The following TECPR2 variants were observed in gnomAD, a reference collection of about 807,000 sequenced individuals.
TECPR2 encodes the protein tectonin beta-propeller repeat-containing protein 2.
Under a neutral mutation model 138.1 loss-of-function variants are expected in TECPR2, and 65 were observed. The observed-to-expected ratio is 0.47, with a 90% confidence interval of 0.39 to 0.58. The LOEUF is 0.58. Among genes scored for constraint, TECPR2 ranks in the 20% least tolerant of loss-of-function variants. TECPR2 has a pLI of 0.00. For missense variants in TECPR2, 1,553 were observed against 1,824.5 expected, an observed-to-expected ratio of 0.85 and a Z score of 2.71; for synonymous variants, 746 against 749.8, an observed-to-expected ratio of 0.99 and a Z score of 0.08.
chr14:102,422,969 C>T (rs369460529), intron 5 of TECPR2, among the ~76,000 whole-genome samples: 9 of 152,276 alleles, frequency 5.9e-5, no homozygotes, highest in African/African-American at 1.2e-4. Flanking sequence ...TGTCTTAGCG[C>T]CACACATTAC....
At chr14:102,410,749 T>C (rs1888824706) in intron 4 of TECPR2, among the ~76,000 whole-genome samples, 1 of 152,236 alleles carries the variant, frequency 6.6e-6, no homozygotes, top group Non-Finnish European at 1.5e-5. Context: ...TCTAGTCATA[T>C]TCCTATTCAC....
At chr14:102,404,798 T>C (rs188233931) in intron 2 of TECPR2, among the ~76,000 whole-genome samples, 1 of 151,900 alleles carries the variant, frequency 6.6e-6, no homozygotes, top group East Asian at 2.0e-4. Context: ...GGTCTGGAAC[T>C]CTTGACCTCA....
chr14:102,369,510 G>A (rs566929183), intron 1 of TECPR2, among the ~76,000 whole-genome samples: 7 of 152,120 alleles, frequency 4.6e-5, no homozygotes, highest in South Asian at 2.1e-4. Context: ...AGGTTCAGTC[G>A]ATCCTCCGGG....
chr14:102,402,885 G>A (rs1430847879), intron 2 of TECPR2, among the ~76,000 whole-genome samples: 1 of 152,136 alleles, frequency 6.6e-6, no homozygotes, highest in Non-Finnish European at 1.5e-5. Flanking sequence ...TAAGAGGATA[G>A]AATCAATAAT....
chr14:102,366,574 T>C (rs1887352723), intron 1 of TECPR2, among the ~76,000 whole-genome samples: 1 of 152,178 alleles, frequency 6.6e-6, no homozygotes, highest in Admixed American at 6.5e-5. Context: ...CTCGAACTCC[T>C]GGCCTCAAGC....
chr14:102,409,161 T>C (rs1412334746), intron 4 of TECPR2, among the ~76,000 whole-genome samples: 1 of 152,230 alleles, frequency 6.6e-6, no homozygotes, highest in Non-Finnish European at 1.5e-5. Context: ...CCGTGCCTTT[T>C]CCACTGCACG....
chr14:102,440,668 C>G, intron 11 of TECPR2, 59 bp downstream of exon 11: 1 of 1,563,760 alleles, frequency 6.4e-7, no homozygotes, highest in Non-Finnish European at 8.7e-7. Context: ...TCTGCTGCAC[C>G]CTGCTTTGCT....
chr14:102,446,501 AG>A (rs1243234802), intron 13 of TECPR2, among the ~76,000 whole-genome samples: 1 of 152,178 alleles, frequency 6.6e-6, no homozygotes, highest in Non-Finnish European at 1.5e-5. Context: ...CGGAAGGCTG[AG>A]GTGGGAGAAT....
At chr14:102,471,205 G>A (rs190495257) in intron 17 of TECPR2, among the ~76,000 whole-genome samples, 1 of 152,116 alleles carries the variant, frequency 6.6e-6, no homozygotes, top group African/African-American at 2.4e-5. Flanking sequence ...TCCCACCTCG[G>A]CCTCCCAAAG....
intron 4 of TECPR2, among the ~76,000 whole-genome samples, chr14:102,413,796 A>G (rs759072103): frequency 6.6e-6 from 1 of 151,772 alleles, no homozygotes; most frequent in Non-Finnish European, 1.5e-5. Flanking sequence ...TATATAAAAT[A>G]TGGTTTTTTT....
In TECPR2 at chr14:102,445,941, G is replaced by C. The variant is rs1298507869; in HGVS notation, c.3069G>C (p.Trp1023Cys). 1 of 1,613,728 alleles carries C rather than the reference G, an allele frequency of 6.2e-7. No individual in the cohort carries two copies. Among genetic ancestry groups the C allele is most frequent in the Non-Finnish European group, 8.5e-7 (1 of 1,179,856 alleles). The change falls in exon 13 of 20, where the codon TGG becomes TGC. Residue 1023 changes from tryptophan to cysteine, a missense_variant. By Grantham distance (215) the Trp-to-Cys change is radical. Transcript: ENST00000359520. ...SKKPQGDDDH[W>C]WQVSITDYVV... ...AGCCCCAAGGAGATGACGACCATTG[G>C]TGGCAAGTAGGTGTTCAGCTCTGCG...
At chr14:102,484,607 T>G (rs1890979948) in intron 17 of TECPR2, among the ~76,000 whole-genome samples, 1 of 152,122 alleles carries the variant, frequency 6.6e-6, no homozygotes, top group Non-Finnish European at 1.5e-5. Flanking sequence ...ACTTTCCAGC[T>G]TCCAGAATTG....
chr14:102,370,235 C>T lies in TECPR2; in HGVS notation c.-72-6415C>T, dbSNP rs200579298. Among the ~76,000 whole-genome samples the T allele has an allele frequency of 2.6e-5, 4 of 152,018 alleles. No individual in the cohort carries two copies. In the East Asian group the frequency reaches 7.8e-4, roughly 30 times the overall value. On this transcript the variant is annotated intron_variant, in intron 1 of 19. Transcript: ENST00000359520. ...TACGGGCACCTCCCACCATGCCCAGCTAATTTTTGTGTTTTAATAGAGATG... is the reference window on the plus strand; with the variant it reads ...TACGGGCACCTCCCACCATGCCCAGTTAATTTTTGTGTTTTAATAGAGATG...
intron 17 of TECPR2, among the ~76,000 whole-genome samples, chr14:102,473,111 CA>C (rs1300441226): frequency 3.9e-5 from 6 of 152,256 alleles, no homozygotes; most frequent in Admixed American, 3.3e-4. Flanking sequence ...TCATAGCGGG[CA>C]GGCGGCAGGG....
In TECPR2 at chr14:102,443,678, C is replaced by T. The variant is rs1429128742; in HGVS notation, c.2784C>T (p.Ala928=). 6.9e-6 allele frequency: 11 copies of T among 1,605,752 alleles called. No homozygotes were observed. The South Asian group carries it at 7.8e-5, about 11-fold the overall frequency. The change falls in exon 12 of 20, where the codon GCC becomes GCT. Residue 928 remains alanine (A), a synonymous_variant. Coordinates refer to ENST00000359520, the MANE Select transcript of TECPR2 (RefSeq NM_014844.5). The surrounding 1 kb of genome is among the most constrained non-coding windows in gnomAD (Gnocchi z 4.9). ...GCGTGGATCGCCCTTGTGCCAGAGC[C>T]GTAAAGGTGGACTGTCCCTACCCGC... ...GLSVDRPCAR[A]VKVDCPYPLS...
rs1220802107 is a variant in TECPR2, at chr14:102,501,288, ACTGT to A, written c.*3035_*3038del. On this transcript the variant is annotated 3_prime_UTR_variant, in exon 20 of 20. Transcript: ENST00000359520. Reference sequence around the variant, plus strand: ...TAAAGAATCTAAAACCAGTGGGAAAACTGTCTGATTTCTGGATGGCAAAGGCTTT... The same window carrying A: ...TAAAGAATCTAAAACCAGTGGGAAAACTGATTTCTGGATGGCAAAGGCTTT... The A allele has an allele frequency of 6.6e-6, 1 of 152,238 alleles. No individual in the cohort carries two copies. The highest frequency in any genetic ancestry group is 2.4e-5 in the African/African-American group (1 of 41,458). 9.4% of individuals were successfully genotyped at this position (152,238 alleles called of 1,614,324 possible).
At chr14:102,444,439 A>G (rs955894604) in intron 12 of TECPR2, among the ~76,000 whole-genome samples, 1 of 151,962 alleles carries the variant, frequency 6.6e-6, no homozygotes, top group African/African-American at 2.4e-5. Context: ...GGCTCAAGCA[A>G]TTCTCCTGCC....
chr14:102,364,380 G>T (rs1208214522), intron 1 of TECPR2, among the ~76,000 whole-genome samples: 1 of 152,144 alleles, frequency 6.6e-6, no homozygotes, highest in African/African-American at 2.4e-5. Flanking sequence ...TGGTTATTTG[G>T]CCATCGTGTG....
chr14:102,397,490 TA>T, intron 2 of TECPR2, among the ~76,000 whole-genome samples: 1 of 152,318 alleles, frequency 6.6e-6, no homozygotes, highest in South Asian at 2.1e-4. Context: ...CTCATGCCTG[TA>T]AACCCAGCAC....
Sources: gnomAD v4.1 joint callset for allele counts (sites outside exome capture counted in the v4.1 genomes callset) on GRCh38, gnomAD v4.1.1 for gene constraint, Gnocchi (gnomAD v3.1) non-coding constraint, MANE v1.5 for transcripts, NCBI Gene and HGNC (gene_info 2026-07-23, HGNC 2026-07-21) for gene names.